IPMK: variants seen among roughly 807,000 people sequenced by gnomAD.
The protein encoded by IPMK is inositol polyphosphate multikinase, also known as inositol 1,3,4,6-tetrakisphosphate 5-kinase.
Under a neutral mutation model 45.8 loss-of-function variants are expected in IPMK, and 17 were observed. That is an observed-to-expected ratio of 0.37 (90% CI 0.25 to 0.56). The LOEUF (loss-of-function observed/expected upper bound fraction) is 0.56. IPMK is among the 20% of genes least tolerant of loss of function. The pLI is 0.79. For synonymous variants in IPMK, 180 were observed against 184.3 expected, an observed-to-expected ratio of 0.98 and a Z score of 0.19; for missense variants, 399 against 498.0, an observed-to-expected ratio of 0.80 and a Z score of 1.89.
At chr10:58,261,282 C>T (rs1839062330) in intron 1 of IPMK, among the ~76,000 whole-genome samples, 1 of 150,414 alleles carries the variant, frequency 6.6e-6, no homozygotes, top group Non-Finnish European at 1.5e-5. Flanking sequence ...AAAAGAAACT[C>T]AAAAAGGGTA....
chr10:58,206,327 A>G (rs573491063), intron 4 of IPMK, among the ~76,000 whole-genome samples: 1 of 152,278 alleles, frequency 6.6e-6, no homozygotes, highest in African/African-American at 2.4e-5. Flanking sequence ...AGGGACTGCT[A>G]ATGTGTATGA....
In IPMK at chr10:58,216,440, C is replaced by T; in HGVS notation, c.374-123G>A. 5 of 450,626 alleles carry T rather than the reference C, an allele frequency of 1.1e-5. No homozygotes were observed. In the South Asian group the frequency reaches 2.3e-4, roughly 20 times the overall value. 27.9% of individuals were successfully genotyped at this position (450,626 alleles called of 1,614,324 possible). A position where few individuals can be genotyped will look rare whatever the true frequency, so the allele number is the denominator to read the frequency against. ...AAAAAAGTTAAAATAAATGTAAAGT[C>T]AATAATTATTCTTAACTCTACCTAA... On this transcript the variant is annotated intron_variant, in intron 3 of 5. Coordinates refer to ENST00000373935, the MANE Select transcript of IPMK (RefSeq NM_152230.5).
At position 58,193,651 on chromosome 10, in the gene IPMK, A is replaced by C. The variant is rs2132138510; in HGVS notation, c.*2425T>G. ...TTTTAAATGAGTGTATTCCATAAGA[A>C]ATACACTAAAATCATTACTTATGTT... On this transcript the variant is annotated 3_prime_UTR_variant, in exon 6 of 6. Coordinates refer to ENST00000373935, the MANE Select transcript of IPMK (RefSeq NM_152230.5). The C allele has an allele frequency of 6.6e-6, 1 of 151,944 alleles. No homozygotes were observed. Among genetic ancestry groups the C allele is most frequent in the South Asian group, 2.1e-4 (1 of 4,824 alleles). The allele number at this position is 151,944 out of a possible 1,614,324, so 9.4% of individuals were successfully genotyped here.
intron 1 of IPMK, among the ~76,000 whole-genome samples, chr10:58,261,810 G>A (rs1839072709): frequency 6.6e-6 from 1 of 152,186 alleles, no homozygotes; most frequent in East Asian, 1.9e-4. Flanking sequence ...TCAACCTCCT[G>A]GCCTTGGCCT....
At chr10:58,203,670 A>G (rs1169359169) in intron 4 of IPMK, among the ~76,000 whole-genome samples, 1 of 152,108 alleles carries the variant, frequency 6.6e-6, no homozygotes, top group Admixed American at 6.5e-5. Flanking sequence ...GATGGAATCT[A>G]CTCCTAGTAA....
chr10:58,242,865 C>T (rs1838717336), intron 1 of IPMK, among the ~76,000 whole-genome samples: 2 of 152,026 alleles, frequency 1.3e-5, no homozygotes, highest in Admixed American at 6.5e-5. Flanking sequence ...GGACAGATAT[C>T]CCCCTTGCTG....
At chr10:58,230,832 G>C (rs535014293) in intron 2 of IPMK, among the ~76,000 whole-genome samples, 1 of 152,196 alleles carries the variant, frequency 6.6e-6, no homozygotes, top group Admixed American at 6.5e-5. Context: ...TGACTTTGAC[G>C]AGTTGATAGA....
intron 1 of IPMK, among the ~76,000 whole-genome samples, chr10:58,252,769 G>A (rs1049049808): frequency 1.3e-5 from 2 of 151,558 alleles, no homozygotes; most frequent in Non-Finnish European, 2.9e-5. Flanking sequence ...CCCACCACCC[G>A]CCTGGGTAAT....
Position 58,266,840 on chromosome 10 carries a change from A to C in IPMK, c.190+582T>G, listed in dbSNP as rs190819766. Among the ~76,000 whole-genome samples the C allele has an allele frequency of 2.0e-5, 3 of 152,252 alleles. No homozygotes were observed. In the East Asian group the frequency reaches 5.8e-4, roughly 29 times the overall value. ...GGAATCCGAGTTTCTGCACTACTGG[A>C]ACCACGCCTCCCAGAGAAATCAAGG... On this transcript the variant is annotated intron_variant, in intron 1 of 5. Transcript: ENST00000373935.
chr10:58,233,796 T>A (rs763296159), intron 2 of IPMK, among the ~76,000 whole-genome samples: 56 of 152,088 alleles, frequency 3.7e-4, no homozygotes, highest in South Asian at 1.0e-3. Flanking sequence ...CAATTCAACA[T>A]AGTGTTGGGA....
At chr10:58,226,927 T>C in intron 3 of IPMK, 116 bp downstream of exon 3, 2 of 615,044 alleles carry the variant, frequency 3.3e-6, no homozygotes, top group South Asian at 4.5e-5. Context: ...AAGCAAAACA[T>C]ATATATTTTG....
At chr10:58,232,590 T>A (rs562224519) in intron 2 of IPMK, among the ~76,000 whole-genome samples, 1 of 152,218 alleles carries the variant, frequency 6.6e-6, no homozygotes, top group South Asian at 2.1e-4. Flanking sequence ...ACTGGGTACA[T>A]AACGAAATGA....
At chr10:58,244,543 A>T (rs1042692197) in intron 1 of IPMK, among the ~76,000 whole-genome samples, 52 of 151,994 alleles carry the variant, frequency 3.4e-4, no homozygotes, top group Admixed American at 2.6e-4. Context: ...CTCCGAAGAG[A>T]CAGCGACCAT....
intron 2 of IPMK, among the ~76,000 whole-genome samples, chr10:58,229,875 C>T (rs1838484452): frequency 6.6e-6 from 1 of 152,102 alleles, no homozygotes; most frequent in African/African-American, 2.4e-5. Context: ...ACCAGGGAAG[C>T]ACAAGGAGTT....
At chr10:58,230,627 C>A (rs1430733037) in intron 2 of IPMK, among the ~76,000 whole-genome samples, 1 of 151,922 alleles carries the variant, frequency 6.6e-6, no homozygotes, top group Non-Finnish European at 1.5e-5. Flanking sequence ...GGAATAGCAT[C>A]AACATCAACA....
intron 3 of IPMK, among the ~76,000 whole-genome samples, chr10:58,219,519 A>T (rs867645316): frequency 1.3e-5 from 2 of 152,190 alleles, no homozygotes; most frequent in African/African-American, 4.8e-5. Context: ...CAATCCTGAG[A>T]CTCAGTTACT....
At chr10:58,220,857 A>G (rs2590309) in intron 3 of IPMK, among the ~76,000 whole-genome samples, 22,806 of 152,286 alleles carry the variant, frequency 0.15, 2,342 homozygotes, top group African/African-American at 0.29. Flanking sequence ...ACCTCTAAGT[A>G]TATATAAATA....
intron 2 of IPMK, among the ~76,000 whole-genome samples, chr10:58,232,801 G>A (rs568247015): frequency 6.6e-6 from 1 of 152,178 alleles, no homozygotes; most frequent in Non-Finnish European, 1.5e-5. Flanking sequence ...ACATTCAAAA[G>A]CTAGCAGAAG....
chr10:58,226,083 G>A (rs1838410987), intron 3 of IPMK, among the ~76,000 whole-genome samples: 2 of 152,134 alleles, frequency 1.3e-5, no homozygotes, highest in African/African-American at 2.4e-5. Context: ...TTAAAGTACA[G>A]AGGAATCATA....
Sources: allele counts gnomAD v4.1 joint callset (sites outside exome capture counted in the v4.1 genomes callset), GRCh38; gene constraint gnomAD v4.1.1; transcripts MANE v1.5; gene names NCBI Gene and HGNC (gene_info 2026-07-23, HGNC 2026-07-21).